The following COL21A1 variants were observed in gnomAD, a reference collection of about 807,000 sequenced individuals.
COL21A1 encodes collagen type XXI alpha 1 chain, also known as collagen alpha-1(XXI) chain.
In COL21A1, 149 loss-of-function variants were observed where a neutral mutation model predicts 137.9. The observed-to-expected ratio is 1.08, with a 90% CI of 0.95 to 1.24. The LOEUF is 1.24. Among genes scored for constraint, COL21A1 ranks in the 50% most tolerant of loss-of-function variants. COL21A1 has a pLI of 0.00. For synonymous variants in COL21A1, 456 were observed against 391.5 expected (o/e 1.16, Z -1.95); for missense variants, 1,167 against 1,158.4 (o/e 1.01, Z -0.11).
intron 1 of COL21A1, among the ~76,000 whole-genome samples, chr6:56,216,231 T>C (rs538041125): frequency 2.0e-5 from 3 of 152,190 alleles, no homozygotes; most frequent in African/African-American, 7.2e-5. Flanking sequence ...ATGGGACCTA[T>C]TGCTGCATTA....
intron 27 of COL21A1, 171 bp from the exon 28 acceptor site, chr6:56,060,389 T>C (rs1765691292): frequency 1.6e-6 from 1 of 631,292 alleles, no homozygotes; most frequent in East Asian, 3.1e-5. Context: ...TATTCATTGC[T>C]CTGTGCGGTA....
intron 1 of COL21A1, among the ~76,000 whole-genome samples, chr6:56,264,551 A>G (rs1763353475): frequency 6.6e-6 from 1 of 152,194 alleles, no homozygotes; most frequent in Non-Finnish European, 1.5e-5. Context: ...TTTTATTTAC[A>G]TGACTCACAA....
chr6:56,275,755 T>C (rs1763630416), intron 1 of COL21A1, among the ~76,000 whole-genome samples: 1 of 152,186 alleles, frequency 6.6e-6, no homozygotes, highest in South Asian at 2.1e-4. Context: ...GAAAAGGGCA[T>C]GCTTATACAC....
At chr6:56,174,681 C>T (rs116792711) in intron 3 of COL21A1, among the ~76,000 whole-genome samples, 1 of 151,934 alleles carries the variant, frequency 6.6e-6, no homozygotes, top group Non-Finnish European at 1.5e-5. Context: ...AACACCCCAA[C>T]AATAAAAGCC....
chr6:56,385,035 A>T (rs1032676982), intron 1 of COL21A1, among the ~76,000 whole-genome samples: 16 of 152,242 alleles, frequency 1.1e-4, no homozygotes, highest in African/African-American at 3.9e-4. Flanking sequence ...TGAGTCCTGC[A>T]GAAGCAGATG....
chr6:56,240,378 T>C (rs1782220429), intron 1 of COL21A1, among the ~76,000 whole-genome samples: 2 of 152,202 alleles, frequency 1.3e-5, no homozygotes, highest in South Asian at 4.1e-4. Flanking sequence ...ACAACAGAAC[T>C]GCCAGTGCCT....
intron 1 of COL21A1, among the ~76,000 whole-genome samples, chr6:56,296,737 T>C (rs1381511165): frequency 6.6e-6 from 1 of 152,036 alleles, no homozygotes; most frequent in South Asian, 2.1e-4. Context: ...GTAAAATTCC[T>C]ATAATACTAA....
intron 17 of COL21A1, among the ~76,000 whole-genome samples, chr6:56,098,688 A>AATATATAAATAT (rs1457195089): frequency 5.3e-5 from 2 of 38,054 alleles, no homozygotes; most frequent in African/African-American, 2.4e-4. Context: ...AATATATATA[A>AATATATAAATAT]ATATATAAAT....
intron 1 of COL21A1, among the ~76,000 whole-genome samples, chr6:56,235,634 C>T (rs950188728): frequency 6.6e-6 from 1 of 151,820 alleles, no homozygotes; most frequent in Admixed American, 6.6e-5. Flanking sequence ...TTTAAATGGC[C>T]CCCTAATGAA....
intron 18 of COL21A1, among the ~76,000 whole-genome samples, chr6:56,075,994 G>A (rs1192166932): frequency 6.6e-6 from 1 of 151,556 alleles, no homozygotes; most frequent in Non-Finnish European, 1.5e-5. Context: ...TCCTCTGTGA[G>A]AGAGTGCTGG....
At chr6:56,260,126 C>T (rs1763214944) in intron 1 of COL21A1, among the ~76,000 whole-genome samples, 1 of 152,164 alleles carries the variant, frequency 6.6e-6, no homozygotes, top group Non-Finnish European at 1.5e-5. Context: ...TCCAATTTAA[C>T]AGGAGAATAT....
chr6:56,058,699 A>G (rs1765538490), intron 29 of COL21A1, among the ~76,000 whole-genome samples: 1 of 152,194 alleles, frequency 6.6e-6, no homozygotes, highest in South Asian at 2.1e-4. Context: ...CACTGTTCTG[A>G]AAGCACTACA....
At chr6:56,260,238 G>A (rs1246709049) in intron 1 of COL21A1, among the ~76,000 whole-genome samples, 8 of 151,996 alleles carry the variant, frequency 5.3e-5, no homozygotes, top group Non-Finnish European at 1.2e-4. Context: ...AGAAAGGCTT[G>A]GATAAAAATA....
At chr6:56,153,875 T>C (rs932759488) in intron 10 of COL21A1, among the ~76,000 whole-genome samples, 6 of 152,152 alleles carry the variant, frequency 3.9e-5, no homozygotes. Context: ...TGCCACCTTC[T>C]CTTCTCTATT....
In COL21A1 at chr6:56,361,760, G is replaced by A. The variant is rs9475681; in HGVS notation, c.-39+32211C>T. Among the ~76,000 whole-genome samples, 144 of 152,132 alleles carry A rather than the reference G, an allele frequency of 9.5e-4. No individual in the cohort carries two copies. The East Asian group carries it at 0.013, about 13-fold the overall frequency. ...TTATGAGTGATGGCTGCGTATGTGC[G>A]TGTGCGTGTGTGTGTGTGGTGTGTG... On this transcript the variant is annotated intron_variant, in intron 1 of 28. Transcript: ENST00000370819.
chr6:56,223,589 C>T (rs917730131), intron 1 of COL21A1, among the ~76,000 whole-genome samples: 3 of 151,998 alleles, frequency 2.0e-5, no homozygotes, highest in Non-Finnish European at 4.4e-5. Context: ...GTAAATGTTT[C>T]TTATGATAAT....
intron 17 of COL21A1, among the ~76,000 whole-genome samples, chr6:56,087,560 G>C (rs1361842363): frequency 6.6e-6 from 1 of 152,144 alleles, no homozygotes; most frequent in African/African-American, 2.4e-5. Flanking sequence ...AACCAATCCA[G>C]AAAAAGCATT....
chr6:56,268,094 G>A (rs1373044546), intron 1 of COL21A1, among the ~76,000 whole-genome samples: 2 of 152,156 alleles, frequency 1.3e-5, no homozygotes, highest in Non-Finnish European at 2.9e-5. Flanking sequence ...CGCTGAGCTG[G>A]AAGTGTCAAT....
intron 1 of COL21A1, among the ~76,000 whole-genome samples, chr6:56,273,115 C>T (rs144429211): frequency 1.3e-5 from 2 of 152,126 alleles, no homozygotes; most frequent in African/African-American, 2.4e-5. Context: ...AAATAAACAA[C>T]TTGCTCCTGA....
Sources: allele counts gnomAD v4.1 joint callset (sites outside exome capture counted in the v4.1 genomes callset), GRCh38; gene constraint gnomAD v4.1.1; transcripts MANE v1.5; gene names NCBI Gene and HGNC (gene_info 2026-07-23, HGNC 2026-07-21).